Variants in SLC16A2 observed in about 807,000 individuals in gnomAD.
SLC16A2 encodes monocarboxylate transporter 8.
Under a neutral mutation model 27.2 loss-of-function variants are expected in SLC16A2, and 3 were observed. The observed-to-expected ratio is 0.11, with a 90% CI of 0.05 to 0.28. SLC16A2 has a LOEUF of 0.28. Among genes scored for constraint, SLC16A2 ranks in the 10% least tolerant of loss-of-function variants. The probability of loss-of-function intolerance (pLI) is 1.00; values close to 1 mark genes in which losing one functional copy is unlikely to be tolerated. For synonymous variants in SLC16A2, 202 were observed against 187.8 expected, an observed-to-expected ratio of 1.08 and a Z score of -0.62; for missense variants, 295 against 458.5, an observed-to-expected ratio of 0.64 and a Z score of 3.26.
intron 1 of SLC16A2, among the ~76,000 whole-genome samples, chrX:74,486,491 T>C (rs994227201): frequency 8.9e-6 from 1 of 112,133 alleles, no homozygotes; most frequent in South Asian, 3.7e-4. Context: ...GTGCTCATCA[T>C]CACTGGCCAT....
chrX:74,486,069 G>T (rs1929714690), intron 1 of SLC16A2, among the ~76,000 whole-genome samples: 1 of 112,113 alleles, frequency 8.9e-6, no homozygotes, highest in African/African-American at 3.2e-5. Context: ...CCCAATCATT[G>T]TCCCTCCCCC....
At chrX:74,460,884 C>G (rs1929127862) in intron 1 of SLC16A2, among the ~76,000 whole-genome samples, 1 of 111,176 alleles carries the variant, frequency 9.0e-6, no homozygotes, top group African/African-American at 3.3e-5. Flanking sequence ...ATCTCCTGAC[C>G]TCGTGATCCA....
intron 1 of SLC16A2, among the ~76,000 whole-genome samples, chrX:74,501,420 G>GGCAGAGGGCTT (rs1357852268): frequency 9.0e-6 from 1 of 111,559 alleles, no homozygotes; most frequent in East Asian, 2.8e-4. Flanking sequence ...GTAGGAGGAG[G>GGCAGAGGGCTT]GCAGAGGGCT....
intron 1 of SLC16A2, among the ~76,000 whole-genome samples, chrX:74,454,047 T>C (rs1317307135): frequency 9.0e-6 from 1 of 111,312 alleles, no homozygotes; most frequent in Non-Finnish European, 1.9e-5. Context: ...TTTTTCTGAC[T>C]ACCATGATGC....
chrX:74,465,891 T>G (rs756642444), intron 1 of SLC16A2, among the ~76,000 whole-genome samples: 3 of 111,120 alleles, frequency 2.7e-5, no homozygotes, highest in Non-Finnish European at 5.7e-5. Context: ...TTCCCCTCCG[T>G]GACCCTCCCA....
chrX:74,463,589 C>T (rs1411726308), intron 1 of SLC16A2, among the ~76,000 whole-genome samples: 3 of 110,678 alleles, frequency 2.7e-5, no homozygotes, highest in Non-Finnish European at 3.8e-5. Context: ...TGCAGTGGCA[C>T]GATCTCGGCT....
chrX:74,519,333 AC>A (rs1930366289), intron 1 of SLC16A2, among the ~76,000 whole-genome samples: 1 of 107,078 alleles, frequency 9.3e-6, no homozygotes, highest in Non-Finnish European at 1.9e-5. Flanking sequence ...GCCCGCCCCC[AC>A]ACCCAGCTAA....
At chrX:74,530,574 A>G (rs1444904147) in intron 5 of SLC16A2, among the ~76,000 whole-genome samples, 1 of 112,225 alleles carries the variant, frequency 8.9e-6, no homozygotes, top group Non-Finnish European at 1.9e-5. Context: ...TCTGGGCAAC[A>G]GCCACACTAC....
At position 74,528,384 on chromosome X, in the gene SLC16A2, G is replaced by GA. The variant is rs1280809680; in HGVS notation, c.1171-819dup. ...AGCAGCCCTTTTCTCTGTGGAGAAG[G>GA]AAAAAAAAAACAACCTCTGGAAAGG... On this transcript the variant is annotated intron_variant, in intron 4 of 5. Coordinates refer to ENST00000587091, the MANE Select transcript of SLC16A2 (RefSeq NM_006517.5). Among the ~76,000 whole-genome samples the GA allele has an allele frequency of 5.4e-4, 57 of 105,433 alleles. 1 individual carries two copies. The highest frequency in any genetic ancestry group is 1.5e-3 in the African/African-American group (43 of 29,088). The allele number at this position is 105,433 out of a possible 115,157, so 91.6% of individuals were successfully genotyped here.
intron 1 of SLC16A2, among the ~76,000 whole-genome samples, chrX:74,498,545 T>C (rs1363310256): frequency 9.0e-6 from 1 of 111,318 alleles, no homozygotes; most frequent in African/African-American, 3.3e-5. Flanking sequence ...CTCTGAGCCT[T>C]TGGGGAGACT....
At chrX:74,473,790 G>C (rs753676857) in intron 1 of SLC16A2, 1 of 601,566 alleles carries the variant, frequency 1.7e-6, no homozygotes, top group Non-Finnish European at 2.8e-6. Context: ...CCCCTGGAGG[G>C]CTTGGTGTTT....
chrX:74,454,128 C>A (rs1182515232), intron 1 of SLC16A2, among the ~76,000 whole-genome samples: 2 of 111,580 alleles, frequency 1.8e-5, no homozygotes, highest in African/African-American at 6.5e-5. Context: ...TACCACTGGG[C>A]AGACTGTAAA....
chrX:74,518,299 A>G (rs1249008259), intron 1 of SLC16A2, among the ~76,000 whole-genome samples: 2 of 112,209 alleles, frequency 1.8e-5, no homozygotes, highest in African/African-American at 3.2e-5. Context: ...ATCATTTTGT[A>G]AAAACCTTTC....
At chrX:74,517,335 T>C (rs1930332124) in intron 1 of SLC16A2, among the ~76,000 whole-genome samples, 1 of 112,212 alleles carries the variant, frequency 8.9e-6, no homozygotes, top group South Asian at 3.7e-4. Context: ...TAATTTAAAG[T>C]TTCTTTGACT....
chrX:74,456,250 G>A (rs749024447), intron 1 of SLC16A2, among the ~76,000 whole-genome samples: 4 of 111,557 alleles, frequency 3.6e-5, no homozygotes, highest in Non-Finnish European at 7.5e-5. Context: ...GCTTCCTTGC[G>A]ATTGGGCAGC....
chrX:74,490,341 C>T (rs1458044305), intron 1 of SLC16A2, among the ~76,000 whole-genome samples: 2 of 106,288 alleles, frequency 1.9e-5, no homozygotes, highest in South Asian at 4.2e-4. Flanking sequence ...TCTCCTCATT[C>T]TTAGATTATT....
chrX:74,466,039 A>G (rs1929244488), intron 1 of SLC16A2, among the ~76,000 whole-genome samples: 1 of 111,469 alleles, frequency 9.0e-6, no homozygotes, highest in South Asian at 3.8e-4. Context: ...GCCCAGCAGG[A>G]AGCATCATTC....
chrX:74,503,553 C>T (rs1930073630), intron 1 of SLC16A2, among the ~76,000 whole-genome samples: 1 of 111,386 alleles, frequency 9.0e-6, no homozygotes, highest in Non-Finnish European at 1.9e-5. Flanking sequence ...CTCATAGTGA[C>T]CACAGGAGCC....
chrX:74,436,772 A>G (rs1378585015), intron 1 of SLC16A2, among the ~76,000 whole-genome samples: 1 of 111,666 alleles, frequency 9.0e-6, no homozygotes, highest in Non-Finnish European at 1.9e-5. Context: ...CCCAGTCAGA[A>G]ATTTAGGGAG....
Sources: gnomAD v4.1 joint callset for allele counts (sites outside exome capture counted in the v4.1 genomes callset) on GRCh38, gnomAD v4.1.1 for gene constraint, MANE v1.5 for transcripts, NCBI Gene and HGNC (gene_info 2026-07-23, HGNC 2026-07-21) for gene names.